CDKN2B-AS1: variants seen among roughly 807,000 people sequenced by gnomAD.
The protein encoded by CDKN2B-AS1 is CDKN2B antisense RNA 1 (non-protein coding).
intron 1 of CDKN2B-AS1, among the ~76,000 whole-genome samples, chr9:22,032,479 C>T (rs542416141): frequency 5.9e-4 from 90 of 152,264 alleles, no homozygotes; most frequent in African/African-American, 2.1e-3. Context: ...CTGCCTAGGG[C>T]TTCATGCCTG....
chr9:22,053,298 G>T (rs1033257867), intron 3 of CDKN2B-AS1, among the ~76,000 whole-genome samples: 1 of 152,168 alleles, frequency 6.6e-6, no homozygotes, highest in Non-Finnish European at 1.5e-5. Flanking sequence ...TTTAGCAAAC[G>T]TTTGAGAATC....
intron 1 of CDKN2B-AS1, among the ~76,000 whole-genome samples, chr9:22,035,501 T>C (rs1822652636): frequency 6.6e-6 from 1 of 152,154 alleles, no homozygotes; most frequent in Non-Finnish European, 1.5e-5. Flanking sequence ...TAAGCTTCTA[T>C]TGATTTGAAT....
chr9:22,113,256 A>G (rs1825849801), intron 4 of CDKN2B-AS1, among the ~76,000 whole-genome samples: 1 of 152,096 alleles, frequency 6.6e-6, no homozygotes, highest in Middle Eastern at 3.2e-3. Flanking sequence ...GGCATAATTT[A>G]TTTCCTTATC....
rs1426369952 is a variant in CDKN2B-AS1 at position 22,039,741 on chromosome 9, A to G, written n.30-7010A>G. ...TCAGCTCCTAAATAAACTTTGCCAAATCTTCAGGCCCTCAAAATTTTTTCA... is the reference window on the plus strand; with the variant it reads ...TCAGCTCCTAAATAAACTTTGCCAAGTCTTCAGGCCCTCAAAATTTTTTCA... On this transcript the variant is annotated intron_variant and non_coding_transcript_variant, in intron 1 of 4. Coordinates refer to ENST00000650946, the Ensembl canonical transcript of CDKN2B-AS1. This position sits in a 1 kb window ranked among gnomAD's most constrained non-coding sequence, Gnocchi z 4.4. Among the ~76,000 whole-genome samples the G allele has an allele frequency of 6.6e-6, 1 of 151,986 alleles. No homozygotes were observed. Among genetic ancestry groups the G allele is most frequent in the Non-Finnish European group, 1.5e-5 (1 of 67,926 alleles).
At chr9:22,100,636 G>T (rs1825451231) in intron 4 of CDKN2B-AS1, among the ~76,000 whole-genome samples, 1 of 151,808 alleles carries the variant, frequency 6.6e-6, no homozygotes, top group Admixed American at 6.6e-5. Context: ...TTATGTTTAA[G>T]TCTTTGTGTG....
chr9:22,107,774 C>A (rs1290004887), intron 4 of CDKN2B-AS1, among the ~76,000 whole-genome samples: 1 of 152,194 alleles, frequency 6.6e-6, no homozygotes, highest in Non-Finnish European at 1.5e-5. Flanking sequence ...GGCCTTCAGG[C>A]AGCCAGGGGG....
chr9:22,006,214 G>C lies in CDKN2B-AS1; in HGVS notation n.29+11053G>C, dbSNP rs1587382060. On this transcript the variant is annotated intron_variant and non_coding_transcript_variant, in intron 1 of 4. Coordinates refer to ENST00000650946, the Ensembl canonical transcript of CDKN2B-AS1. This position sits in a 1 kb window ranked among gnomAD's most constrained non-coding sequence, Gnocchi z 6.4. ...GGCTCCGCGCCGTGGAGCAGCAGCA[G>C]CTCCGCCACGCGGGCGCTGCCCATC... 7 of 1,607,784 alleles carry C rather than the reference G, an allele frequency of 4.4e-6. No homozygotes were observed. Among genetic ancestry groups the C allele is most frequent in the South Asian group, 1.1e-5 (1 of 91,060 alleles).
Position 22,118,536 on chromosome 9 carries a change from A to G in CDKN2B-AS1, n.439-8567A>G, listed in dbSNP as rs564333313. The stretch of plus-strand genomic sequence containing the variant: ...GGAAGGGTAACTTTATGGAGAGAGA[A>G]GAACCTCTGTGGAGTTAAAAGGTTT... On this transcript the variant is annotated intron_variant and non_coding_transcript_variant, in intron 4 of 4. Coordinates refer to ENST00000650946, the Ensembl canonical transcript of CDKN2B-AS1. 14 of 152,306 alleles carry G rather than the reference A, an allele frequency of 9.2e-5. No homozygotes were observed. The East Asian group carries it at 2.7e-3, about 29-fold the overall frequency. 9.4% of individuals were successfully genotyped at this position (152,306 alleles called of 1,614,324 possible).
intron 4 of CDKN2B-AS1, among the ~76,000 whole-genome samples, chr9:22,114,746 A>G (rs536937347): frequency 1.3e-5 from 2 of 152,314 alleles, no homozygotes; most frequent in Admixed American, 1.3e-4. Flanking sequence ...CCATCAGTCT[A>G]TTATTTTCCT....
chr9:22,086,583 T>C (rs1318400955), intron 4 of CDKN2B-AS1, among the ~76,000 whole-genome samples: 5 of 152,202 alleles, frequency 3.3e-5, no homozygotes, highest in Non-Finnish European at 1.5e-5. Context: ...TCTGAAGCTT[T>C]TAGAAAATAT....
intron 2 of CDKN2B-AS1, among the ~76,000 whole-genome samples, chr9:22,047,438 C>T (rs7851706): frequency 0.035 from 5,359 of 152,238 alleles, 312 homozygotes; most frequent in African/African-American, 0.12. Flanking sequence ...CACCCTTTCA[C>T]TACTAGTGGT....
At chr9:22,087,494 C>T (rs1824905208) in intron 4 of CDKN2B-AS1, among the ~76,000 whole-genome samples, 1 of 152,188 alleles carries the variant, frequency 6.6e-6, no homozygotes, top group South Asian at 2.1e-4. Context: ...TACCTGAAAG[C>T]ATCCTAACTA....
At chr9:22,084,849 A>T (rs1374679180) in intron 4 of CDKN2B-AS1, among the ~76,000 whole-genome samples, 1 of 152,218 alleles carries the variant, frequency 6.6e-6, no homozygotes. Flanking sequence ...GATACACTAA[A>T]GAAATTGCAT....
intron 4 of CDKN2B-AS1, among the ~76,000 whole-genome samples, chr9:22,126,631 G>A (rs1468959253): frequency 1.5e-5 from 2 of 136,092 alleles, no homozygotes; most frequent in South Asian, 2.3e-4. Flanking sequence ...CGACTGCAGT[G>A]GCGCTATCTC....
chr9:22,118,478 C>T (rs1158989857), intron 4 of CDKN2B-AS1: 2 of 152,138 alleles, frequency 1.3e-5, no homozygotes, highest in African/African-American at 4.8e-5. Flanking sequence ...AACCTGTTTT[C>T]CTGTCATCAT....
intron 1 of CDKN2B-AS1, chr9:22,012,223 T>G: frequency 7.1e-7 from 1 of 1,412,702 alleles, no homozygotes; most frequent in South Asian, 1.2e-5. Flanking sequence ...GTGACACCAT[T>G]GAGAATGTCA....
At chr9:22,036,604 TTAATA>T (rs1211163866) in intron 1 of CDKN2B-AS1, among the ~76,000 whole-genome samples, 1 of 152,138 alleles carries the variant, frequency 6.6e-6, no homozygotes, top group East Asian at 1.9e-4. Flanking sequence ...TATTCCCCTA[TTAATA>T]TATTTTTAGC....
intron 4 of CDKN2B-AS1, among the ~76,000 whole-genome samples, chr9:22,090,099 T>A (rs1345345085): frequency 4.6e-5 from 7 of 151,974 alleles, no homozygotes; most frequent in African/African-American, 1.7e-4. Flanking sequence ...GTCCTTGTGA[T>A]AATTTGCTGA....
chr9:22,085,337 C>T (rs977024996), intron 4 of CDKN2B-AS1, among the ~76,000 whole-genome samples: 24 of 152,166 alleles, frequency 1.6e-4, no homozygotes, highest in African/African-American at 5.3e-4. Flanking sequence ...CTGCCAAGTG[C>T]ATTCCTTATT....
Sources: gnomAD v4.1 joint callset for allele counts (sites outside exome capture counted in the v4.1 genomes callset) on GRCh38, gnomAD v4.1.1 for gene constraint, Gnocchi (gnomAD v3.1) non-coding constraint, MANE v1.5 for transcripts, NCBI Gene and HGNC (gene_info 2026-07-23, HGNC 2026-07-21) for gene names.